The following ACACB variants were observed in gnomAD, a reference collection of about 807,000 sequenced individuals.
ACACB encodes acetyl-CoA carboxylase beta, also known as acetyl-CoA carboxylase 2.
A neutral mutation model predicts 278.8 loss-of-function variants in ACACB; 209 were observed. That is an observed-to-expected ratio of 0.75 (90% CI 0.67 to 0.84). ACACB has a LOEUF of 0.84. ACACB is among the 40% of genes least tolerant of loss of function. The pLI is 0.00. For missense variants in ACACB, 2,850 were observed against 3,269.0 expected, an observed-to-expected ratio of 0.87 and a Z score of 3.13; for synonymous variants, 1,174 against 1,285.6, an observed-to-expected ratio of 0.91 and a Z score of 1.86.
chr12:109,157,640 A>G (rs932845309), intron 2 of ACACB, among the ~76,000 whole-genome samples: 4 of 152,154 alleles, frequency 2.6e-5, no homozygotes, highest in African/African-American at 9.7e-5. Context: ...CAGCACAAAC[A>G]TTGATGAAAA....
chr12:109,194,517 T>C (rs59996445), intron 16 of ACACB, among the ~76,000 whole-genome samples: 1,102 of 74,592 alleles, frequency 0.015, 28 homozygotes, highest in African/African-American at 0.045. Context: ...TGTGCATGTG[T>C]GTGTGTGTGT....
At chr12:109,200,031 C>CA (rs796623006) in intron 18 of ACACB, among the ~76,000 whole-genome samples, 5,078 of 60,918 alleles carry the variant, frequency 0.083, 173 homozygotes, top group African/African-American at 0.17. Context: ...GACTCCGTCT[C>CA]AAAAAAAAAA....
At chr12:109,229,615 C>T (rs1430066808) in intron 28 of ACACB, among the ~76,000 whole-genome samples, 5 of 152,078 alleles carry the variant, frequency 3.3e-5, no homozygotes, top group Admixed American at 1.3e-4. Flanking sequence ...CTGCAGCCTC[C>T]GCCTCCTGGG....
chr12:109,224,569 G>A (rs2046264015), intron 27 of ACACB, among the ~76,000 whole-genome samples: 1 of 151,614 alleles, frequency 6.6e-6, no homozygotes, highest in Non-Finnish European at 1.5e-5. Context: ...AGACTCGCTT[G>A]TGCCTAGGGT....
intron 4 of ACACB, among the ~76,000 whole-genome samples, chr12:109,168,875 A>C (rs1004092302): frequency 6.6e-6 from 1 of 152,160 alleles, no homozygotes; most frequent in African/African-American, 2.4e-5. Context: ...ACAGTGGCTC[A>C]CGCCTGTAAT....
intron 12 of ACACB, among the ~76,000 whole-genome samples, chr12:109,187,023 G>A (rs1565900035): frequency 1.3e-5 from 2 of 151,916 alleles, no homozygotes; most frequent in East Asian, 1.9e-4. Flanking sequence ...GGAATCAGGT[G>A]TGTGTTGGCA....
At chr12:109,150,183 C>G (rs1285499247) in intron 2 of ACACB, among the ~76,000 whole-genome samples, 1 of 152,196 alleles carries the variant, frequency 6.6e-6, no homozygotes, top group Non-Finnish European at 1.5e-5. Context: ...CTCCTGTTAC[C>G]TGTCTGAGCT....
intron 49 of ACACB, 78 bp downstream of exon 49, chr12:109,262,547 G>A: frequency 2.4e-6 from 2 of 830,832 alleles, no homozygotes; most frequent in Non-Finnish European, 3.9e-6. Flanking sequence ...TTTCTAGGAT[G>A]TTAAAAATAA....
At chr12:109,217,212 G>A (rs527939826) in intron 24 of ACACB, among the ~76,000 whole-genome samples, 2 of 152,298 alleles carry the variant, frequency 1.3e-5, no homozygotes, top group South Asian at 4.1e-4. Context: ...AACCCTGAAG[G>A]CAGAGGTTGC....
chr12:109,175,819 G>T (rs1473336920), intron 7 of ACACB, 112 bp from the exon 8 acceptor site: 4 of 843,526 alleles, frequency 4.7e-6, no homozygotes, highest in Non-Finnish European at 7.8e-6. Context: ...TATTCCGCTG[G>T]TCCAGAAGCC....
chr12:109,156,604 T>G (rs34264), intron 2 of ACACB, among the ~76,000 whole-genome samples: 10,437 of 62,750 alleles, frequency 0.17, 431 homozygotes, highest in East Asian at 0.22. Context: ...TTTTTTTTTT[T>G]GGGGGGGGGC....
chr12:109,177,444 A>G (rs2044315734), intron 9 of ACACB, among the ~76,000 whole-genome samples: 1 of 152,214 alleles, frequency 6.6e-6, no homozygotes, highest in Non-Finnish European at 1.5e-5. Context: ...TTTGAAACAC[A>G]TATCAGTACA....
At chr12:109,180,589 A>G (rs758262360) in intron 11 of ACACB, among the ~76,000 whole-genome samples, 60 of 151,906 alleles carry the variant, frequency 3.9e-4, no homozygotes, top group Non-Finnish European at 7.9e-4. Context: ...TTTAATTTTG[A>G]TGGGTATATA....
intron 22 of ACACB, among the ~76,000 whole-genome samples, chr12:109,213,757 C>A (rs1313125715): frequency 6.6e-6 from 1 of 152,004 alleles, no homozygotes; most frequent in African/African-American, 2.4e-5. Flanking sequence ...AACACCACGC[C>A]CGGCTAATTT....
intron 2 of ACACB, among the ~76,000 whole-genome samples, chr12:109,151,844 G>A (rs1324828210): frequency 1.3e-5 from 2 of 152,246 alleles, no homozygotes; most frequent in Non-Finnish European, 2.9e-5. Flanking sequence ...TATAAAGGTG[G>A]TGTTGTGCTT....
At chr12:109,218,200 T>G (rs2046058929) in intron 24 of ACACB, among the ~76,000 whole-genome samples, 1 of 152,156 alleles carries the variant, frequency 6.6e-6, no homozygotes, top group African/African-American at 2.4e-5. Flanking sequence ...GTCTTTTGTT[T>G]TTTGTCTGTT....
chr12:109,136,340 A>G (rs1289367965), intron 1 of ACACB, among the ~76,000 whole-genome samples: 1 of 152,210 alleles, frequency 6.6e-6, no homozygotes, highest in East Asian at 1.9e-4. Context: ...GAAATTCCAT[A>G]TAAATCTGTA....
chr12:109,162,354 G>C (rs2043755741), intron 2 of ACACB, among the ~76,000 whole-genome samples: 1 of 152,176 alleles, frequency 6.6e-6, no homozygotes, highest in African/African-American at 2.4e-5. Flanking sequence ...TAATGGAGCA[G>C]TGAGGAAAGT....
In ACACB at chr12:109,253,175, G is replaced by A; in HGVS notation, c.6045+17G>A. ...ATGCCAAAGGTGCAGTACTCCCCCTGCAGCTTAGAACCTGGAAGACTCTTA... is the reference window on the plus strand; with the variant it reads ...ATGCCAAAGGTGCAGTACTCCCCCTACAGCTTAGAACCTGGAAGACTCTTA... On this transcript the variant is annotated intron_variant, in intron 43 of 52. Coordinates refer to ENST00000338432, the MANE Select transcript of ACACB (RefSeq NM_001093.4). 6.5e-7 allele frequency: 1 copy of A among 1,532,050 alleles called. No individual in the cohort carries two copies. Among genetic ancestry groups the A allele is most frequent in the Non-Finnish European group, 8.8e-7 (1 of 1,132,488 alleles). The allele number at this position is 1,532,050 out of a possible 1,614,324, so 94.9% of individuals were successfully genotyped here.
Sources: allele counts gnomAD v4.1 joint callset (sites outside exome capture counted in the v4.1 genomes callset), GRCh38; gene constraint gnomAD v4.1.1; transcripts MANE v1.5; gene names NCBI Gene and HGNC (gene_info 2026-07-23, HGNC 2026-07-21).